CAGE1: variants seen among roughly 807,000 people sequenced by gnomAD.
The protein encoded by CAGE1 is cancer-associated gene 1 protein.
In CAGE1, 66 loss-of-function variants were observed where a neutral mutation model predicts 94.9. That is an observed-to-expected ratio of 0.70 (90% CI 0.57 to 0.85). The LOEUF (loss-of-function observed/expected upper bound fraction) is 0.85. Among genes scored for constraint, CAGE1 ranks in the 40% least tolerant of loss-of-function variants. The pLI is 0.00. For missense variants in CAGE1, 865 were observed against 950.4 expected, an observed-to-expected ratio of 0.91 and a Z score of 1.18; for synonymous variants, 319 against 321.0, an observed-to-expected ratio of 0.99 and a Z score of 0.07.
chr6:7,345,651 G>A lies in CAGE1; in HGVS notation c.2369+9390C>T, dbSNP rs74350583. On this transcript the variant is annotated intron_variant, in intron 11 of 13. Coordinates refer to ENST00000502583, the MANE Select transcript of CAGE1 (RefSeq NM_001170692.2). The stretch of plus-strand genomic sequence containing the variant: ...CTGTGAACGGAAAAATTACAGGCCC[G>A]GCGCAGTGGCTCATGCTTGTAATCC... Among the ~76,000 whole-genome samples the A allele has an allele frequency of 6.3e-3, 953 of 152,262 alleles. 8 individuals carry two copies. Among genetic ancestry groups the A allele is most frequent in the African/African-American group, 0.022 (904 of 41,544 alleles).
At position 7,339,535 on chromosome 6, in the gene CAGE1, CA is replaced by C; in HGVS notation, c.2370-5446del. 2 of 788,704 alleles carry C rather than the reference CA, an allele frequency of 2.5e-6. No individual in the cohort carries two copies. Among genetic ancestry groups the C allele is most frequent in the South Asian group, 2.7e-5 (2 of 74,642 alleles). The allele number at this position is 788,704 out of a possible 1,614,324, so 48.9% of individuals were successfully genotyped here. ...TCAGCTTAGAAGATGCCATCAGTGA[CA>C]AACTTCCTCTTCTTGGAAATTTGTA... is the stretch of plus-strand genomic sequence containing the variant. On this transcript the variant is annotated intron_variant, in intron 11 of 13. Coordinates refer to ENST00000502583, the MANE Select transcript of CAGE1 (RefSeq NM_001170692.2). This position sits in a 1 kb window ranked among gnomAD's most constrained non-coding sequence, Gnocchi z 4.7.
rs1024432888 is a variant in CAGE1, at chr6:7,383,425, G to A, written c.283+2360C>T. 2.0e-5 allele frequency among the ~76,000 whole-genome samples: 3 copies of A among 152,164 alleles called. No homozygotes were observed. The South Asian group carries it at 6.2e-4, about 32-fold the overall frequency. ...AGGTTCTAATCATTTTCTGCATTGA[G>A]AGAGCCAACTGTTCCAGCACAACCA... On this transcript the variant is annotated intron_variant, in intron 3 of 13. Coordinates refer to ENST00000502583, the MANE Select transcript of CAGE1 (RefSeq NM_001170692.2).
At chr6:7,367,692 G>A (rs1336841731) in intron 7 of CAGE1, among the ~76,000 whole-genome samples, 1 of 152,190 alleles carries the variant, frequency 6.6e-6, no homozygotes, top group African/African-American at 2.4e-5. Flanking sequence ...GTCCTCTACA[G>A]GCTGGCTAGG....
Position 7,331,661 on chromosome 6 carries a change from T to C in CAGE1, c.2439-1773A>G, listed in dbSNP as rs188339531. The C allele has an allele frequency of 1.1e-4, 23 of 214,070 alleles. No individual in the cohort carries two copies. The East Asian group carries it at 2.2e-3, about 21-fold the overall frequency. 13.3% of individuals were successfully genotyped at this position (214,070 alleles called of 1,614,324 possible). ...TTCAGAGCGGGGGTGCAGGCGAGCT[T>C]GGCATAGGCAAACATCTTAAACTCT... On this transcript the variant is annotated intron_variant, in intron 12 of 13. Transcript: ENST00000502583.
At chr6:7,333,627 T>C (rs535574162) in intron 12 of CAGE1, among the ~76,000 whole-genome samples, 756 of 67,624 alleles carry the variant, frequency 0.011, 8 homozygotes, top group African/African-American at 0.054. Context: ...ATTATCTAAC[T>C]ATCTATCTAA....
intron 9 of CAGE1, 118 bp downstream of exon 9, chr6:7,365,350 G>A: frequency 7.1e-6 from 5 of 706,886 alleles, no homozygotes; most frequent in Middle Eastern, 3.6e-4. Context: ...ATGCCATGAT[G>A]CCAGTGTGTG....
At chr6:7,341,333 G>T in intron 11 of CAGE1, 1 of 694,882 alleles carries the variant, frequency 1.4e-6, no homozygotes, top group Non-Finnish European at 2.6e-6. Context: ...CCTTACTGGT[G>T]TCCCAGATCA....
chr6:7,331,258 G>T, intron 12 of CAGE1: 1 of 630,242 alleles, frequency 1.6e-6, no homozygotes, highest in South Asian at 2.8e-5. Flanking sequence ...TAATTAATAT[G>T]ACTGCCAACA....
Position 7,334,625 on chromosome 6 carries a change from G to A in CAGE1, c.2370-535C>T, listed in dbSNP as rs143500342. 4.2e-3 allele frequency among the ~76,000 whole-genome samples: 634 copies of A among 151,398 alleles called. 6 individuals carry two copies. Among genetic ancestry groups the A allele is most frequent in the African/African-American group, 0.015 (612 of 41,168 alleles). ...TGCCTGTGATCCCAGCTACTTGGGA[G>A]GCTGAGCTGGGAGGATTGCTTGAGC... On this transcript the variant is annotated intron_variant, in intron 11 of 13. Coordinates refer to ENST00000502583, the MANE Select transcript of CAGE1 (RefSeq NM_001170692.2).
chr6:7,343,266 C>A (rs965680130), intron 11 of CAGE1, among the ~76,000 whole-genome samples: 13 of 151,618 alleles, frequency 8.6e-5, no homozygotes, highest in Non-Finnish European at 1.8e-4. Context: ...TAAATAAGGG[C>A]AGTACTAATG....
chr6:7,368,196 T>C (rs1403472870), intron 7 of CAGE1, among the ~76,000 whole-genome samples: 2 of 138,692 alleles, frequency 1.4e-5, no homozygotes, highest in Non-Finnish European at 3.0e-5. Flanking sequence ...GAGGCTGCAG[T>C]GAGCCAAGAT....
chr6:7,353,333 A>C (rs1161363989), intron 11 of CAGE1, among the ~76,000 whole-genome samples: 1 of 152,202 alleles, frequency 6.6e-6, no homozygotes, highest in Non-Finnish European at 1.5e-5. Flanking sequence ...TCAAAACTAC[A>C]ATGCGATACC....
chr6:7,326,860 A>T lies in CAGE1; in HGVS notation c.2518T>A (p.Ter840LysextTer8). ...LFKENRNDLD[*>K] ...TACTGTTTAATCTTCAGGCTTGTTTAATCTAAATCATTTCTATTTTCTTTA... is the reference window on the plus strand; with the variant it reads ...TACTGTTTAATCTTCAGGCTTGTTTTATCTAAATCATTTCTATTTTCTTTA... Residue 840 changes from the stop codon to lysine (K), a stop_lost, in exon 14 of 14, where the codon TAA becomes AAA. Transcript: ENST00000502583. 6.4e-7 allele frequency: 1 copy of T among 1,571,264 alleles called. No individual in the cohort carries two copies. The highest frequency in any genetic ancestry group is 1.1e-5 in the South Asian group (1 of 90,140).
At chr6:7,383,662 G>T (rs541991403) in intron 3 of CAGE1, among the ~76,000 whole-genome samples, 7 of 152,034 alleles carry the variant, frequency 4.6e-5, no homozygotes, top group Non-Finnish European at 5.9e-5. Context: ...ATTGTATTGG[G>T]TATTTTTTTT....
Position 7,368,803 on chromosome 6 carries a change from G to A in CAGE1, c.1894-5C>T, listed in dbSNP as rs1456954532. The A allele has an allele frequency of 5.3e-6, 8 of 1,504,462 alleles. No individual in the cohort carries two copies. The South Asian group carries it at 9.2e-5, about 17-fold the overall frequency. The allele number at this position is 1,504,462 out of a possible 1,614,324, so 93.2% of individuals were successfully genotyped here. A position where few individuals can be genotyped will look rare whatever the true frequency, so the allele number is the denominator to read the frequency against. ...AGCATCAGAATTGATGATGTCCTAA[G>A]GGTAAGAGTTTCAGAAGCTAGATGA... On this transcript the variant is annotated splice_polypyrimidine_tract_variant and splice_region_variant and intron_variant, in intron 6 of 13. Transcript: ENST00000502583.
rs1441066046 is a variant in CAGE1 at position 7,389,268 on chromosome 6, C to T, written c.-90G>A. 4.4e-6 allele frequency: 2 copies of T among 456,266 alleles called. No individual in the cohort carries two copies. Among genetic ancestry groups the T allele is most frequent in the South Asian group, 1.5e-5 (1 of 64,574 alleles). 28.3% of individuals were successfully genotyped at this position (456,266 alleles called of 1,614,324 possible). On this transcript the variant is annotated 5_prime_UTR_variant, in exon 1 of 14. It adds an upstream start codon to the 5' untranslated region. Transcript: ENST00000502583. Reference sequence around the variant, plus strand: ...ACGAGACACCAAACTTTTTAAGACACAAAAGTGTGCTCACTTCCAGGATCC... The same window carrying T: ...ACGAGACACCAAACTTTTTAAGACATAAAAGTGTGCTCACTTCCAGGATCC...
At chr6:7,385,681 T>C in intron 3 of CAGE1, 104 bp downstream of exon 3, 1 of 517,044 alleles carries the variant, frequency 1.9e-6, no homozygotes. Context: ...TTAAGTGTGA[T>C]GATGTATATA....
intron 11 of CAGE1, among the ~76,000 whole-genome samples, chr6:7,345,647 G>A (rs541124150): frequency 4.6e-5 from 7 of 152,176 alleles, no homozygotes; most frequent in African/African-American, 1.4e-4. Flanking sequence ...AAAATTACAG[G>A]CCCGGCGCAG....
chr6:7,339,398 A>T lies in CAGE1; in HGVS notation c.2370-5308T>A. Reference sequence around the variant, plus strand: ...TCCGCCGGCCCTTCTCACCAAGAACATTCTGTGTTCTGGTGGCTAAGACAA... The same window carrying T: ...TCCGCCGGCCCTTCTCACCAAGAACTTTCTGTGTTCTGGTGGCTAAGACAA... On this transcript the variant is annotated intron_variant, in intron 11 of 13. Transcript: ENST00000502583. The surrounding 1 kb of genome is among the most constrained non-coding windows in gnomAD (Gnocchi z 4.7). 1 of 1,596,272 alleles carries T rather than the reference A, an allele frequency of 6.3e-7. No homozygotes were observed. The highest frequency in any genetic ancestry group is 8.6e-7 in the Non-Finnish European group (1 of 1,164,836).
Sources: allele counts gnomAD v4.1 joint callset (sites outside exome capture counted in the v4.1 genomes callset), GRCh38; gene constraint gnomAD v4.1.1; non-coding constraint Gnocchi (gnomAD v3.1); transcripts MANE v1.5; gene names NCBI Gene and HGNC (gene_info 2026-07-23, HGNC 2026-07-21).